Variants in CNTN5 observed in about 807,000 individuals in gnomAD.
The protein encoded by CNTN5 is contactin 5.
A neutral mutation model predicts 129.1 loss-of-function variants in CNTN5; 77 were observed. That is an observed-to-expected ratio of 0.60 (90% CI 0.50 to 0.72). The LOEUF (loss-of-function observed/expected upper bound fraction) is 0.72, where lower values mean the gene tolerates loss of function less well. Ranked by LOEUF, CNTN5 falls within the 30% of genes least tolerant of loss-of-function variation. CNTN5 has a pLI of 0.00. For missense variants in CNTN5, 1,478 were observed against 1,328.8 expected (o/e 1.11, Z -1.75); for synonymous variants, 509 against 465.6 (o/e 1.09, Z -1.20).
intron 3 of CNTN5, among the ~76,000 whole-genome samples, chr11:99,794,853 C>CTT (rs34939471): frequency 6.6e-6 from 1 of 151,780 alleles, no homozygotes; most frequent in Non-Finnish European, 1.5e-5. Flanking sequence ...CTCCACTTAC[C>CTT]TTTTTTTCTT....
intron 2 of CNTN5, among the ~76,000 whole-genome samples, chr11:99,509,639 G>C (rs998437261): frequency 6.6e-6 from 1 of 151,984 alleles, no homozygotes; most frequent in Non-Finnish European, 1.5e-5. Flanking sequence ...AAAATAGTAT[G>C]ATGTCCCAGA....
At chr11:99,192,495 A>ATAGTAGTAGATAGTAGATAAG (rs1431304126) in intron 1 of CNTN5, among the ~76,000 whole-genome samples, 4 of 151,928 alleles carry the variant, frequency 2.6e-5, no homozygotes, top group Non-Finnish European at 5.9e-5. Context: ...TAGATAGTAG[A>ATAGTAGTAGATAGTAGATAAG]TATGTCACCA....
intron 1 of CNTN5, among the ~76,000 whole-genome samples, chr11:99,078,403 A>T (rs1372511589): frequency 2.0e-5 from 3 of 152,222 alleles, no homozygotes. Flanking sequence ...GAACTACCAT[A>T]TGATCCAGCA....
At chr11:100,100,821 C>A (rs1945194841) in intron 13 of CNTN5, among the ~76,000 whole-genome samples, 1 of 152,080 alleles carries the variant, frequency 6.6e-6, no homozygotes, top group African/African-American at 2.4e-5. Context: ...AAATGCCCAG[C>A]AATCAGCTTG....
chr11:100,163,556 A>G (rs1453602285), intron 13 of CNTN5, among the ~76,000 whole-genome samples: 1 of 151,878 alleles, frequency 6.6e-6, no homozygotes, highest in Non-Finnish European at 1.5e-5. Flanking sequence ...TACAGTATAC[A>G]ACTTCCTACA....
intron 17 of CNTN5, among the ~76,000 whole-genome samples, chr11:100,258,888 T>C (rs543390710): frequency 6.6e-6 from 1 of 152,244 alleles, no homozygotes; most frequent in Admixed American, 6.5e-5. Flanking sequence ...CTGCATCAAC[T>C]GACAGGCAAA....
chr11:99,109,621 CAGT>C (rs1191862674), intron 1 of CNTN5, among the ~76,000 whole-genome samples: 5 of 152,046 alleles, frequency 3.3e-5, no homozygotes, highest in African/African-American at 1.2e-4. Flanking sequence ...TGATTACAGA[CAGT>C]TGTAGATCAC....
At chr11:99,231,761 C>T (rs983232489) in intron 1 of CNTN5, among the ~76,000 whole-genome samples, 1 of 152,054 alleles carries the variant, frequency 6.6e-6, no homozygotes, top group Non-Finnish European at 1.5e-5. Flanking sequence ...AGATTTTCTT[C>T]TAGGGTTTAT....
chr11:100,055,223 A>G (rs775587025), intron 9 of CNTN5, among the ~76,000 whole-genome samples: 2 of 151,596 alleles, frequency 1.3e-5, no homozygotes, highest in African/African-American at 2.4e-5. Flanking sequence ...AAGCTCATCG[A>G]TATCTTAACC....
At chr11:99,280,917 T>C (rs182413273) in intron 1 of CNTN5, among the ~76,000 whole-genome samples, 1 of 151,802 alleles carries the variant, frequency 6.6e-6, no homozygotes, top group Admixed American at 6.6e-5. Context: ...TTTACAGTTA[T>C]ATATAACAAC....
At chr11:99,455,052 A>G (rs144207698) in intron 2 of CNTN5, among the ~76,000 whole-genome samples, 3 of 152,222 alleles carry the variant, frequency 2.0e-5, no homozygotes, top group African/African-American at 7.2e-5. Context: ...TTAACCTGAG[A>G]CCTCAAGGTA....
intron 3 of CNTN5, among the ~76,000 whole-genome samples, chr11:99,792,854 G>T (rs1945800569): frequency 6.6e-6 from 1 of 152,076 alleles, no homozygotes; most frequent in African/African-American, 2.4e-5. Flanking sequence ...TCAGTCTTGG[G>T]TGGTTGTATG....
chr11:99,137,288 T>G (rs140526618), intron 1 of CNTN5, among the ~76,000 whole-genome samples: 1 of 152,312 alleles, frequency 6.6e-6, no homozygotes, highest in East Asian at 1.9e-4. Flanking sequence ...AGTCTAGTTT[T>G]AAACAAAGCA....
chr11:99,591,666 T>C (rs993724313), intron 3 of CNTN5, among the ~76,000 whole-genome samples: 2 of 152,052 alleles, frequency 1.3e-5, no homozygotes, highest in African/African-American at 4.8e-5. Context: ...ATTTGGCAGC[T>C]GGTGCGGGAA....
At chr11:99,892,536 T>C (rs1949090504) in intron 6 of CNTN5, among the ~76,000 whole-genome samples, 1 of 152,228 alleles carries the variant, frequency 6.6e-6, no homozygotes, top group Non-Finnish European at 1.5e-5. Context: ...GTTTCAGTTT[T>C]CTGCATATGG....
intron 2 of CNTN5, among the ~76,000 whole-genome samples, chr11:99,492,097 G>A (rs999377382): frequency 1.3e-5 from 2 of 152,122 alleles, no homozygotes; most frequent in Non-Finnish European, 2.9e-5. Flanking sequence ...GTTGAGGGGA[G>A]CCATCTGTTG....
intron 21 of CNTN5, among the ~76,000 whole-genome samples, chr11:100,333,455 G>A (rs114253968): frequency 0.044 from 5,304 of 120,940 alleles, 345 homozygotes; most frequent in African/African-American, 0.15. Flanking sequence ...ACATGGAACC[G>A]AAAAAGAGCC....
At chr11:100,137,873 G>A (rs1946575790) in intron 13 of CNTN5, among the ~76,000 whole-genome samples, 1 of 152,128 alleles carries the variant, frequency 6.6e-6, no homozygotes, top group South Asian at 2.1e-4. Context: ...TGCCCACAGT[G>A]TAAAGGGTGG....
intron 1 of CNTN5, among the ~76,000 whole-genome samples, chr11:99,130,027 C>A (rs529848505): frequency 6.6e-6 from 1 of 152,214 alleles, no homozygotes; most frequent in South Asian, 2.1e-4. Context: ...GTACACAGAC[C>A]AACAACACTA....
Sources: allele counts gnomAD v4.1 joint callset (sites outside exome capture counted in the v4.1 genomes callset), GRCh38; gene constraint gnomAD v4.1.1; transcripts MANE v1.5; gene names NCBI Gene and HGNC (gene_info 2026-07-23, HGNC 2026-07-21).